C1orf159: variants seen among roughly 807,000 people sequenced by gnomAD.
The protein encoded by C1orf159 is chromosome 1 open reading frame 159, also known as uncharacterized protein C1orf159.
C1orf159 carries 19 observed loss-of-function variants against 25.6 expected under a neutral mutation model. That is an observed-to-expected ratio of 0.74 (90% confidence interval 0.52 to 1.09). The LOEUF (loss-of-function observed/expected upper bound fraction) is 1.09. Ranked by LOEUF, C1orf159 falls within the 50% of genes least tolerant of loss-of-function variation. The pLI, the probability that C1orf159 is intolerant of heterozygous loss-of-function variation, is 0.00. For missense variants in C1orf159, 274 were observed against 290.6 expected (o/e 0.94, Z 0.42); for synonymous variants, 139 against 124.7 (o/e 1.12, Z -0.77).
intron 1 of C1orf159, among the ~76,000 whole-genome samples, chr1:1,102,269 T>C (rs2100765788): frequency 6.6e-6 from 1 of 152,024 alleles, no homozygotes; most frequent in South Asian, 2.1e-4. Flanking sequence ...TAATTACCCA[T>C]GTGTTAGACA....
intron 1 of C1orf159, among the ~76,000 whole-genome samples, chr1:1,096,256 C>T (rs1001175609): frequency 2.6e-5 from 4 of 152,066 alleles, no homozygotes; most frequent in Non-Finnish European, 4.4e-5. Flanking sequence ...TGTAGTGGTG[C>T]GATCATGGCT....
At chr1:1,114,228 G>A (rs1200969136) in intron 1 of C1orf159, among the ~76,000 whole-genome samples, 2 of 152,028 alleles carry the variant, frequency 1.3e-5, no homozygotes, top group African/African-American at 4.8e-5. Context: ...AGCCAGGGCC[G>A]CCTTCTCTTA....
Position 1,087,479 on chromosome 1 carries a change from C to T in C1orf159, c.244+23G>A, listed in dbSNP as rs1343273720. 1.2e-5 allele frequency: 19 copies of T among 1,535,420 alleles called. No individual in the cohort carries two copies. Among genetic ancestry groups the T allele is most frequent in the Middle Eastern group, 1.7e-4 (1 of 5,930 alleles). ...ACAGCTGGAGCTGTGAGAAGGGAGC[C>T]GGGGGGAGCCGGGCAGACCTACAGC... On this transcript the variant is annotated intron_variant, in intron 5 of 9. Coordinates refer to ENST00000421241, the MANE Select transcript of C1orf159 (RefSeq NM_017891.5). This position sits in a 1 kb window ranked among gnomAD's most constrained non-coding sequence, Gnocchi z 8.3.
At chr1:1,088,075 C>T (rs1161087045) in intron 4 of C1orf159, among the ~76,000 whole-genome samples, 2 of 151,610 alleles carry the variant, frequency 1.3e-5, no homozygotes, top group Non-Finnish European at 2.9e-5. Context: ...AGGCTGGGCC[C>T]GGCTTCCACC....
chr1:1,108,894 A>G (rs1457277944), intron 1 of C1orf159, among the ~76,000 whole-genome samples: 1 of 105,976 alleles, frequency 9.4e-6, no homozygotes, highest in Admixed American at 9.5e-5. Flanking sequence ...CGTCCACCAC[A>G]GCCACCATGT....
intron 1 of C1orf159, among the ~76,000 whole-genome samples, chr1:1,095,967 C>T (rs768617670): frequency 2.0e-4 from 31 of 152,154 alleles, no homozygotes; most frequent in Admixed American, 1.5e-3. Flanking sequence ...AATATGGTGA[C>T]GACAAAGATT....
At chr1:1,084,451 C>T (rs917883702) in intron 8 of C1orf159, 30 bp downstream of exon 8, 26 of 1,571,098 alleles carry the variant, frequency 1.7e-5, no homozygotes, top group African/African-American at 9.5e-5. Flanking sequence ...CGGCCAGGGA[C>T]GCTCAGCCCG....
chr1:1,110,134 T>C lies in C1orf159; in HGVS notation c.-136+5926A>G, dbSNP rs1646237503. ...AGGTCCTGATTATAACTCGGCGTCTTATTGCCGCAGAGTCTGTCAGTCTCG... is the reference window on the plus strand; with the variant it reads ...AGGTCCTGATTATAACTCGGCGTCTCATTGCCGCAGAGTCTGTCAGTCTCG... On this transcript the variant is annotated intron_variant, in intron 1 of 9. Transcript: ENST00000421241. This position sits in a 1 kb window ranked among gnomAD's most constrained non-coding sequence, Gnocchi z 4.8. 6.6e-6 allele frequency among the ~76,000 whole-genome samples: 1 copy of C among 152,238 alleles called. No homozygotes were observed. Among genetic ancestry groups the C allele is most frequent in the South Asian group, 2.1e-4 (1 of 4,834 alleles).
chr1:1,094,440 G>A (rs549046875), intron 1 of C1orf159, among the ~76,000 whole-genome samples: 28 of 151,122 alleles, frequency 1.9e-4, no homozygotes, highest in Non-Finnish European at 3.5e-4. Context: ...AGTCTCTGTC[G>A]CCCAGGCTGG....
At chr1:1,103,376 A>T (rs1224656498) in intron 1 of C1orf159, among the ~76,000 whole-genome samples, 2 of 152,152 alleles carry the variant, frequency 1.3e-5, no homozygotes, top group Non-Finnish European at 2.9e-5. Context: ...GGCTCTTCAT[A>T]TGTTGAGTGA....
At chr1:1,109,055 A>G (rs1646221822) in intron 1 of C1orf159, among the ~76,000 whole-genome samples, 1 of 146,922 alleles carries the variant, frequency 6.8e-6, no homozygotes, top group South Asian at 2.2e-4. Flanking sequence ...CACCACAGCC[A>G]CCATGTCTCG....
At chr1:1,107,183 G>T (rs1016168848) in intron 1 of C1orf159, among the ~76,000 whole-genome samples, 6 of 152,270 alleles carry the variant, frequency 3.9e-5, no homozygotes, top group African/African-American at 1.4e-4. Context: ...CTCTGCCTGC[G>T]GCCAGGCGCT....
At chr1:1,114,367 C>T (rs534812290) in intron 1 of C1orf159, among the ~76,000 whole-genome samples, 14 of 152,250 alleles carry the variant, frequency 9.2e-5, no homozygotes, top group South Asian at 6.2e-4. Flanking sequence ...TTTATAGAGA[C>T]GAGGTCTCCC....
intron 3 of C1orf159, chr1:1,091,070 G>GGCCCC: frequency 8.6e-7 from 1 of 1,156,360 alleles, no homozygotes; most frequent in Non-Finnish European, 1.2e-6. Context: ...CCCAGGTCCG[G>GGCCCC]TCCCTCAAAC....
chr1:1,091,262 C>A (rs1298000650), intron 3 of C1orf159: 8 of 658,530 alleles, frequency 1.2e-5, no homozygotes, highest in Non-Finnish European at 2.1e-5. Context: ...CCAGCCATTC[C>A]TGAGCAGGCG....
In C1orf159 at chr1:1,087,814, C is replaced by T. The variant is rs1331367085; in HGVS notation, c.149-217G>A. On this transcript the variant is annotated intron_variant, in intron 4 of 9. Coordinates refer to ENST00000421241, the MANE Select transcript of C1orf159 (RefSeq NM_017891.5). This position sits in a 1 kb window ranked among gnomAD's most constrained non-coding sequence, Gnocchi z 8.3. ...GTACTCCACACTGCGCACCCTGACC[C>T]TGAGTACTCCGACCCCAAGTACTCC... Among the ~76,000 whole-genome samples, 2 of 151,104 alleles carry T rather than the reference C, an allele frequency of 1.3e-5. No individual in the cohort carries two copies. The highest frequency in any genetic ancestry group is 3.0e-5 in the Non-Finnish European group (2 of 67,746).
rs752557836 is a variant in C1orf159 at position 1,087,159 on chromosome 1, G to T, written c.290C>A (p.Thr97Asn). 3.1e-6 allele frequency: 5 copies of T among 1,610,400 alleles called. No individual in the cohort carries two copies. In the South Asian group the frequency reaches 4.4e-5, roughly 14 times the overall value. ...APFPMNRSSG[T>N]PGRPHPGAPR... ...CTTACCAGGATGTGGCCGCCCGGGG[G>T]TCCCTGAGCTTCTGTTCATGGGGAA... Residue 97 changes from threonine to asparagine, a missense_variant, in exon 6 of 10, where the codon ACC (threonine) becomes AAC (asparagine). Thr to Asn is a moderately conservative substitution (Grantham distance 65, BLOSUM62 0). Transcript: ENST00000421241. The surrounding 1 kb of genome is among the most constrained non-coding windows in gnomAD (Gnocchi z 8.3).
intron 1 of C1orf159, among the ~76,000 whole-genome samples, chr1:1,102,614 TAAAAAA>T (rs1170365187): frequency 7.3e-4 from 25 of 34,124 alleles, no homozygotes; most frequent in East Asian, 2.0e-3. Flanking sequence ...CTGTCTCTAC[TAAAAAA>T]AAAAAAAAAA....
At chr1:1,098,618 ACTTTTT>A (rs747150202) in intron 1 of C1orf159, among the ~76,000 whole-genome samples, 3 of 151,966 alleles carry the variant, frequency 2.0e-5, no homozygotes, top group East Asian at 1.9e-4. Flanking sequence ...TATTGGCGTA[ACTTTTT>A]CTTTTTGTTT....
Sources: allele counts gnomAD v4.1 joint callset (sites outside exome capture counted in the v4.1 genomes callset), GRCh38; gene constraint gnomAD v4.1.1; non-coding constraint Gnocchi (gnomAD v3.1); transcripts MANE v1.5; gene names NCBI Gene and HGNC (gene_info 2026-07-23, HGNC 2026-07-21).